Variants in ANTXR2 observed in about 807,000 individuals in gnomAD.
ANTXR2 encodes anthrax toxin receptor 2.
A neutral mutation model predicts 73.7 loss-of-function variants in ANTXR2; 44 were observed. That is an observed-to-expected ratio of 0.60 (90% confidence interval 0.47 to 0.77). ANTXR2 has a LOEUF of 0.77. Ranked by LOEUF, ANTXR2 falls within the 30% of genes least tolerant of loss-of-function variation. The pLI, the probability that ANTXR2 is intolerant of heterozygous loss-of-function variation, is 0.00. For synonymous variants in ANTXR2, 217 were observed against 205.9 expected (o/e 1.05, Z -0.46); for missense variants, 604 against 592.5 (o/e 1.02, Z -0.20).
chr4:80,017,777 GA>G (rs1216740134), intron 11 of ANTXR2, among the ~76,000 whole-genome samples: 2 of 152,000 alleles, frequency 1.3e-5, no homozygotes, highest in East Asian at 3.9e-4. Flanking sequence ...TGAGGGACCA[GA>G]AAACCAGCAA....
rs779784190 is a variant in ANTXR2, at chr4:80,033,527, G to A, written c.741C>T (p.Gly247=). Reference sequence around the variant, plus strand: ...TGCAGAGAACACTGCCATTCCGACTGCCCAGCATGAATCCTCTTCCACTTA... The same window carrying A: ...TGCAGAGAACACTGCCATTCCGACTACCCAGCATGAATCCTCTTCCACTTA... The part of the protein sequence containing the change: ...IVLSGRGFML[G]SRNGSVLCTY... Residue 247 remains glycine (G), a synonymous_variant, in exon 9 of 17, where the codon GGC becomes GGT. Transcript: ENST00000403729. 8.1e-6 allele frequency: 13 copies of A among 1,597,424 alleles called. No homozygotes were observed. The East Asian group carries it at 2.3e-4, about 28-fold the overall frequency.
chr4:79,919,865 T>TAA (rs1727507232), intron 16 of ANTXR2, among the ~76,000 whole-genome samples: 1 of 17,850 alleles, frequency 5.6e-5, no homozygotes, highest in African/African-American at 2.2e-4. Context: ...AATACATATT[T>TAA]TATATATATA....
At chr4:80,057,587 T>C (rs969531471) in intron 3 of ANTXR2, among the ~76,000 whole-genome samples, 2 of 151,952 alleles carry the variant, frequency 1.3e-5, no homozygotes, top group Non-Finnish European at 2.9e-5. Flanking sequence ...TAATTGTCTT[T>C]TTAAATATTT....
intron 12 of ANTXR2, among the ~76,000 whole-genome samples, chr4:80,005,897 T>C (rs567818305): frequency 2.0e-5 from 3 of 152,270 alleles, no homozygotes; most frequent in Admixed American, 2.0e-4. Context: ...TCAGACTTTC[T>C]ATTACAAGAC....
chr4:80,040,291 G>A (rs1398943083), intron 7 of ANTXR2, among the ~76,000 whole-genome samples: 1 of 151,702 alleles, frequency 6.6e-6, no homozygotes, highest in Non-Finnish European at 1.5e-5. Context: ...AAATTGAAAG[G>A]AAAGAAAAAA....
At chr4:80,060,619 T>C (rs1734201457) in intron 3 of ANTXR2, among the ~76,000 whole-genome samples, 1 of 152,208 alleles carries the variant, frequency 6.6e-6, no homozygotes, top group African/African-American at 2.4e-5. Flanking sequence ...ATGGGGCCAC[T>C]GTAAGGATTC....
intron 11 of ANTXR2, among the ~76,000 whole-genome samples, chr4:80,012,031 A>G (rs953970275): frequency 6.6e-6 from 1 of 152,270 alleles, no homozygotes; most frequent in African/African-American, 2.4e-5. Context: ...CCCTTGCAAC[A>G]TAACTATGGG....
chr4:79,928,553 T>C (rs937577914), intron 16 of ANTXR2, among the ~76,000 whole-genome samples: 2 of 152,170 alleles, frequency 1.3e-5, no homozygotes, highest in Admixed American at 6.5e-5. Context: ...TCATTATTTA[T>C]AGCATTTTAA....
chr4:79,917,376 T>A (rs1483278614), intron 16 of ANTXR2, among the ~76,000 whole-genome samples: 1 of 152,270 alleles, frequency 6.6e-6, no homozygotes, highest in Non-Finnish European at 1.5e-5. Context: ...GGCAGCCTGC[T>A]GAAACCTGGA....
chr4:80,055,151 T>C lies in ANTXR2; in HGVS notation c.554A>G (p.Gln185Arg), dbSNP rs1206562819. The C allele has an allele frequency of 1.3e-6, 2 of 1,557,582 alleles. No individual in the cohort carries two copies. The highest frequency in any genetic ancestry group is 1.9e-5 in the Admixed American group (1 of 51,810). The change falls in exon 6 of 17, where the codon CAG becomes CGG. Residue 185 changes from glutamine (Q) to arginine (R), a missense_variant and splice_region_variant. Coordinates refer to ENST00000403729, the MANE Select transcript of ANTXR2 (RefSeq NM_058172.6). ...GTTTGCAGATCTCTTGTAACTTACCTGTGCTTGTTCAAAATCAAGGACACC... is the reference window on the plus strand; with the variant it reads ...GTTTGCAGATCTCTTGTAACTTACCCGTGCTTGTTCAAAATCAAGGACACC... ...CVGVLDFEQA[Q>R]LERIADSKEQ...
intron 1 of ANTXR2, 118 bp from the exon 2 acceptor site, chr4:80,071,772 C>T (rs1275634207): frequency 1.0e-5 from 8 of 783,680 alleles, no homozygotes; most frequent in Admixed American, 2.4e-5. Context: ...CTTTTTCAAG[C>T]TAAGTAAGGG....
intron 9 of ANTXR2, among the ~76,000 whole-genome samples, chr4:80,032,825 T>C (rs1732761196): frequency 6.6e-6 from 1 of 151,938 alleles, no homozygotes; most frequent in South Asian, 2.1e-4. Context: ...AACGTACTCT[T>C]GGCTTTTTTA....
intron 11 of ANTXR2, among the ~76,000 whole-genome samples, chr4:80,010,043 G>A (rs1731496044): frequency 1.5e-5 from 1 of 65,026 alleles, no homozygotes; most frequent in Non-Finnish European, 3.2e-5. Flanking sequence ...GTTTTGTTTT[G>A]TGGTTTTTTT....
chr4:80,002,862 T>C (rs1731116039), intron 12 of ANTXR2, among the ~76,000 whole-genome samples: 1 of 149,738 alleles, frequency 6.7e-6, no homozygotes, highest in Non-Finnish European at 1.5e-5. Context: ...CACAATGAGA[T>C]ACCATCTCAC....
chr4:79,928,248 G>A (rs1247695052), intron 16 of ANTXR2, among the ~76,000 whole-genome samples: 1 of 152,184 alleles, frequency 6.6e-6, no homozygotes, highest in Admixed American at 6.5e-5. Context: ...GGTGAAATAA[G>A]CCAGACACAA....
intron 16 of ANTXR2, among the ~76,000 whole-genome samples, chr4:79,944,764 A>G (rs72871881): frequency 0.1 from 15,864 of 152,128 alleles, 2,690 homozygotes; most frequent in African/African-American, 0.36. Flanking sequence ...AAGCATGTCC[A>G]CCACTGCTGG....
chr4:79,957,644 C>T (rs909691820), intron 16 of ANTXR2, among the ~76,000 whole-genome samples: 4 of 152,030 alleles, frequency 2.6e-5, no homozygotes, highest in African/African-American at 9.7e-5. Flanking sequence ...AAATGGAGAA[C>T]ATGAGATATA....
In ANTXR2 at chr4:79,978,170, C is replaced by T. The variant is rs774588752; in HGVS notation, c.1184G>A (p.Arg395His). ...GVGGIKRMEV[R>H]WGDKGSTEEG... ...CTCAGTAGATCCTTTATCACCCCAA[C>T]GAACCTGTAAAACAAAGGGAGAGTA... is the stretch of plus-strand genomic sequence containing the variant. Residue 395 changes from arginine (R) to histidine (H), a missense_variant, in exon 15 of 17, where the codon CGT becomes CAT. Transcript: ENST00000403729. The T allele has an allele frequency of 3.9e-5, 63 of 1,613,312 alleles. No homozygotes were observed. The highest frequency in any genetic ancestry group is 9.4e-5 in the African/African-American group (7 of 74,858).
chr4:79,966,951 A>G (rs976275901), intron 16 of ANTXR2, among the ~76,000 whole-genome samples: 2 of 82,236 alleles, frequency 2.4e-5, no homozygotes, highest in African/African-American at 5.7e-5. Flanking sequence ...TCAGGTCTAC[A>G]GCTCCCAGCG....
Sources: allele counts gnomAD v4.1 joint callset (sites outside exome capture counted in the v4.1 genomes callset), GRCh38; gene constraint gnomAD v4.1.1; transcripts MANE v1.5; gene names NCBI Gene and HGNC (gene_info 2026-07-23, HGNC 2026-07-21).